CIMIP6: variants seen among roughly 807,000 people sequenced by gnomAD.
The protein encoded by CIMIP6 is uncharacterized protein C2orf73.
the CIMIP6 span, among the ~76,000 whole-genome samples, chr2:54,347,768 T>A: frequency 3.9e-5 from 6 of 152,138 alleles, no homozygotes; most frequent in Admixed American, 6.6e-5. Context: ...CAACATCACC[T>A]TGTCCCGCTG....
chr2:54,363,629 T>C, the CIMIP6 span, among the ~76,000 whole-genome samples: 4 of 152,186 alleles, frequency 2.6e-5, no homozygotes, highest in African/African-American at 9.6e-5. Context: ...TTTAGTAATA[T>C]CTTTCAAAAT....
the CIMIP6 span, among the ~76,000 whole-genome samples, chr2:54,354,858 A>T: frequency 6.6e-6 from 1 of 151,848 alleles, no homozygotes; most frequent in Non-Finnish European, 1.5e-5. Context: ...TAAACAATAG[A>T]ATTTTAGTTC....
the CIMIP6 span, among the ~76,000 whole-genome samples, chr2:54,355,777 A>G: frequency 1.3e-5 from 2 of 151,400 alleles, no homozygotes; most frequent in African/African-American, 2.4e-5. Context: ...CCTTTTTATG[A>G]CCTGTTCTTG....
the CIMIP6 span, among the ~76,000 whole-genome samples, chr2:54,341,950 A>C: frequency 6.6e-6 from 1 of 152,084 alleles, no homozygotes; most frequent in Non-Finnish European, 1.5e-5. Context: ...TCTGTTCTAG[A>C]ATTTTCCTAG....
chr2:54,340,845 G>A, the CIMIP6 span, among the ~76,000 whole-genome samples: 1 of 152,116 alleles, frequency 6.6e-6, no homozygotes, highest in Non-Finnish European at 1.5e-5. Context: ...CATGCCTATA[G>A]TCCCTGCTAC....
At chr2:54,364,880 T>C in the CIMIP6 span, among the ~76,000 whole-genome samples, 2 of 152,156 alleles carry the variant, frequency 1.3e-5, no homozygotes, top group Admixed American at 6.5e-5. Context: ...ATTTGAAATA[T>C]ACAACTAAGC....
chr2:54,336,698 G>A, the CIMIP6 span, among the ~76,000 whole-genome samples: 1 of 152,192 alleles, frequency 6.6e-6, no homozygotes, highest in Non-Finnish European at 1.5e-5. Context: ...ATGGTAGTAA[G>A]GGCAGCATGC....
the CIMIP6 span, chr2:54,334,918 A>T: frequency 6.3e-7 from 1 of 1,586,924 alleles, no homozygotes; most frequent in Non-Finnish European, 8.6e-7. Flanking sequence ...TCAAAATCAC[A>T]TGTTGGAAGA....
At chr2:54,372,556 A>G in the CIMIP6 span, among the ~76,000 whole-genome samples, 1 of 152,204 alleles carries the variant, frequency 6.6e-6, no homozygotes, top group South Asian at 2.1e-4. Context: ...AGAAGAGGTC[A>G]TAAAAGTCCA....
chr2:54,333,257 A>C, the CIMIP6 span, among the ~76,000 whole-genome samples: 1,922 of 152,346 alleles, frequency 0.013, 15 homozygotes, highest in Non-Finnish European at 0.021. Context: ...TAATAAAAGA[A>C]ATGAACAAAG....
the CIMIP6 span, chr2:54,343,973 C>T: frequency 5.4e-6 from 6 of 1,102,804 alleles, no homozygotes; most frequent in African/African-American, 4.8e-5. Flanking sequence ...AAAATAATTA[C>T]TTCTCTATGA....
At chr2:54,367,392 A>G in the CIMIP6 span, among the ~76,000 whole-genome samples, 1 of 152,060 alleles carries the variant, frequency 6.6e-6, no homozygotes. Context: ...TCCAAAAAAA[A>G]TTGGTAATTT....
the CIMIP6 span, chr2:54,359,111 C>T: frequency 8.6e-7 from 1 of 1,159,512 alleles, no homozygotes; most frequent in Non-Finnish European, 1.2e-6. Flanking sequence ...TACTTTAAGA[C>T]AGAGTAGATT....
chr2:54,351,413 G>A, the CIMIP6 span, among the ~76,000 whole-genome samples: 1 of 152,160 alleles, frequency 6.6e-6, no homozygotes, highest in Non-Finnish European at 1.5e-5. Flanking sequence ...AGAAAATGTG[G>A]CACATATACA....
chr2:54,374,876 C>T, the CIMIP6 span, among the ~76,000 whole-genome samples: 8 of 152,190 alleles, frequency 5.3e-5, no homozygotes, highest in African/African-American at 1.4e-4. Flanking sequence ...CAGAAGGCTC[C>T]GTGCAGCCTT....
chr2:54,370,902 A>G, the CIMIP6 span, among the ~76,000 whole-genome samples: 2 of 152,184 alleles, frequency 1.3e-5, no homozygotes, highest in Non-Finnish European at 2.9e-5. Flanking sequence ...TATTGTTAGC[A>G]AATGTCACTC....
chr2:54,347,775 G>A, the CIMIP6 span, among the ~76,000 whole-genome samples: 15 of 152,112 alleles, frequency 9.9e-5, no homozygotes, highest in Non-Finnish European at 2.1e-4. Flanking sequence ...ACCTTGTCCC[G>A]CTGCCCCATG....
the CIMIP6 span, chr2:54,334,728 T>C: frequency 1.1e-6 from 1 of 917,936 alleles, no homozygotes; most frequent in Non-Finnish European, 1.6e-6. Flanking sequence ...GACTGCTGTT[T>C]GTAGTATATT....
chr2:54,362,926 C>T, the CIMIP6 span, among the ~76,000 whole-genome samples: 1 of 152,146 alleles, frequency 6.6e-6, no homozygotes, highest in Admixed American at 6.5e-5. Context: ...GCTTTTCAGC[C>T]TTGTCTATTG....
Sources: allele counts gnomAD v4.1 joint callset (sites outside exome capture counted in the v4.1 genomes callset), GRCh38; gene constraint gnomAD v4.1.1; transcripts MANE v1.5; gene names NCBI Gene and HGNC (gene_info 2026-07-23, HGNC 2026-07-21).